Variants in DCC observed in about 807,000 individuals in gnomAD.
DCC encodes DCC netrin 1 receptor, also known as netrin receptor DCC.
Under a neutral mutation model 172.5 loss-of-function variants are expected in DCC, and 58 were observed. The ratio of observed to expected loss-of-function variants is 0.34; its 90% CI spans 0.27 to 0.42. The LOEUF is 0.42. DCC is among the 10% of genes least tolerant of loss of function. DCC has a pLI of 1.00. For synonymous variants in DCC, 709 were observed against 644.5 expected, an observed-to-expected ratio of 1.10 and a Z score of -1.52; for missense variants, 1,740 against 1,791.0, an observed-to-expected ratio of 0.97 and a Z score of 0.51.
chr18:53,464,572 C>T (rs887139131), intron 24 of DCC, among the ~76,000 whole-genome samples: 1 of 151,722 alleles, frequency 6.6e-6, no homozygotes, highest in African/African-American at 2.4e-5. Context: ...AGGAAAAAAT[C>T]TTGTTTAACT....
intron 12 of DCC, among the ~76,000 whole-genome samples, chr18:53,232,703 A>G (rs924803172): frequency 2.0e-5 from 3 of 152,136 alleles, no homozygotes; most frequent in African/African-American, 4.8e-5. Flanking sequence ...CTGTGGCTCA[A>G]TTATTTGACA....
At chr18:53,084,285 C>G (rs1463214961) in intron 7 of DCC, among the ~76,000 whole-genome samples, 1 of 152,110 alleles carries the variant, frequency 6.6e-6, no homozygotes, top group Non-Finnish European at 1.5e-5. Context: ...ATCCATTAAC[C>G]TATTATTCCA....
intron 23 of DCC, among the ~76,000 whole-genome samples, chr18:53,457,776 T>C (rs1245187203): frequency 1.3e-5 from 2 of 152,170 alleles, no homozygotes; most frequent in East Asian, 1.9e-4. Context: ...TAAAACATTG[T>C]GGGGCTGCCA....
chr18:52,522,689 A>G (rs2031858204), intron 1 of DCC, among the ~76,000 whole-genome samples: 1 of 152,192 alleles, frequency 6.6e-6, no homozygotes, highest in African/African-American at 2.4e-5. Context: ...GAAAGAAAGG[A>G]TTGCAGTCAT....
intron 2 of DCC, among the ~76,000 whole-genome samples, chr18:52,899,249 A>G (rs984288099): frequency 2.0e-5 from 3 of 152,000 alleles, no homozygotes; most frequent in African/African-American, 7.3e-5. Flanking sequence ...TCCTGGGCTC[A>G]AGTGATCCTG....
chr18:52,977,368 G>A (rs1479714102), intron 5 of DCC, among the ~76,000 whole-genome samples: 1 of 152,102 alleles, frequency 6.6e-6, no homozygotes, highest in Non-Finnish European at 1.5e-5. Context: ...TCTGTGACAT[G>A]TCCTGCCCAT....
At chr18:53,483,151 G>C (rs917360523) in intron 25 of DCC, among the ~76,000 whole-genome samples, 3 of 151,816 alleles carry the variant, frequency 2.0e-5, no homozygotes, top group African/African-American at 7.3e-5. Context: ...ATTTTGGCTG[G>C]TATCTGGTTT....
At chr18:52,597,292 G>C (rs145500102) in intron 1 of DCC, among the ~76,000 whole-genome samples, 29 of 152,240 alleles carry the variant, frequency 1.9e-4, no homozygotes, top group African/African-American at 7.0e-4. Context: ...TGCTCCAGCT[G>C]GGGCTATTGG....
chr18:52,474,488 A>C (rs1313096856), intron 1 of DCC, among the ~76,000 whole-genome samples: 2 of 152,154 alleles, frequency 1.3e-5, no homozygotes, highest in East Asian at 3.9e-4. Flanking sequence ...GAAGGCTTCA[A>C]GCTTGAGATA....
At chr18:53,362,309 T>G (rs1258321739) in intron 15 of DCC, among the ~76,000 whole-genome samples, 1 of 152,192 alleles carries the variant, frequency 6.6e-6, no homozygotes, top group Non-Finnish European at 1.5e-5. Context: ...TGGTAATGAG[T>G]GACAAATGTT....
intron 25 of DCC, among the ~76,000 whole-genome samples, chr18:53,482,770 C>T (rs1183579917): frequency 6.6e-6 from 1 of 151,928 alleles, no homozygotes; most frequent in African/African-American, 2.4e-5. Context: ...TAGCAATCCA[C>T]TTTAATGACT....
chr18:52,599,589 A>C (rs1450845014), intron 1 of DCC, among the ~76,000 whole-genome samples: 1 of 151,934 alleles, frequency 6.6e-6, no homozygotes, highest in Admixed American at 6.5e-5. Context: ...ATCTCTGCTC[A>C]CTGCAACCTC....
chr18:53,435,305 C>A, intron 22 of DCC, 96 bp downstream of exon 22: 1 of 801,690 alleles, frequency 1.2e-6, no homozygotes, highest in East Asian at 2.5e-5. Context: ...CTACAAGTGC[C>A]AGGAACCTTG....
At chr18:52,798,657 C>G (rs1035452835) in intron 2 of DCC, among the ~76,000 whole-genome samples, 21 of 152,052 alleles carry the variant, frequency 1.4e-4, no homozygotes, top group Non-Finnish European at 2.8e-4. Context: ...GGAAAAAAAC[C>G]TGAAAAGGGT....
intron 1 of DCC, among the ~76,000 whole-genome samples, chr18:52,542,662 C>A (rs532209291): frequency 6.6e-6 from 1 of 151,980 alleles, no homozygotes; most frequent in South Asian, 2.1e-4. Flanking sequence ...ATGGAGAAAC[C>A]CCGTCTCTAC....
chr18:52,894,937 G>C (rs527883250), intron 2 of DCC, among the ~76,000 whole-genome samples: 84 of 152,264 alleles, frequency 5.5e-4, no homozygotes, highest in African/African-American at 2.0e-3. Flanking sequence ...TGGCCAAAAG[G>C]CTGGGTGCCC....
At chr18:53,144,412 TG>T (rs2043875115) in intron 7 of DCC, among the ~76,000 whole-genome samples, 1 of 152,188 alleles carries the variant, frequency 6.6e-6, no homozygotes, top group Non-Finnish European at 1.5e-5. Context: ...TCCACCTGGT[TG>T]GGGAGGCCTG....
At position 52,356,176 on chromosome 18, in the gene DCC, G is replaced by C. The variant is rs1043568950; in HGVS notation, c.91+15298G>C. On this transcript the variant is annotated intron_variant, in intron 1 of 28. Transcript: ENST00000442544. Reference sequence around the variant, plus strand: ...ATTTTAAAATAAAGAGGCTTTACCAGTAGGGCTTTTTATAATAGTTTTAAG... The same window carrying C: ...ATTTTAAAATAAAGAGGCTTTACCACTAGGGCTTTTTATAATAGTTTTAAG... Among the ~76,000 whole-genome samples, 3 of 152,292 alleles carry C rather than the reference G, an allele frequency of 2.0e-5. No individual in the cohort carries two copies. In the South Asian group the frequency reaches 6.2e-4, roughly 32 times the overall value.
chr18:52,393,990 G>A (rs1268254818), intron 1 of DCC, among the ~76,000 whole-genome samples: 1 of 151,984 alleles, frequency 6.6e-6, no homozygotes, highest in East Asian at 1.9e-4. Context: ...CACCATAGTT[G>A]ATTTGTACCA....
Sources: allele counts gnomAD v4.1 joint callset (sites outside exome capture counted in the v4.1 genomes callset), GRCh38; gene constraint gnomAD v4.1.1; transcripts MANE v1.5; gene names NCBI Gene and HGNC (gene_info 2026-07-23, HGNC 2026-07-21).